WAPL: variants seen among roughly 807,000 people sequenced by gnomAD.
WAPL encodes the protein wings apart-like protein homolog.
A neutral mutation model predicts 121.0 loss-of-function variants in WAPL; 5 were observed. The observed-to-expected ratio is 0.04, with a 90% CI of 0.02 to 0.09. The LOEUF is 0.09. Ranked by LOEUF, WAPL falls within the 10% of genes least tolerant of loss-of-function variation. The pLI, the probability that WAPL is intolerant of heterozygous loss-of-function variation, is 1.00. For missense variants in WAPL, 999 were observed against 1,410.8 expected (o/e 0.71, Z 4.68); for synonymous variants, 480 against 481.5 (o/e 1.00, Z 0.04).
At chr10:86,481,845 C>T (rs2132203448) in intron 4 of WAPL, among the ~76,000 whole-genome samples, 1 of 149,962 alleles carries the variant, frequency 6.7e-6, no homozygotes, top group East Asian at 1.9e-4. Context: ...TAATGTTGTA[C>T]ACATTAAAAA....
intron 9 of WAPL, among the ~76,000 whole-genome samples, chr10:86,464,412 G>T (rs901561715): frequency 5.3e-5 from 8 of 152,054 alleles, no homozygotes; most frequent in African/African-American, 1.9e-4. Flanking sequence ...GAATCTAAAT[G>T]TTGAATATAG....
chr10:86,440,523 T>C (rs192630288), intron 17 of WAPL, among the ~76,000 whole-genome samples: 2,169 of 152,074 alleles, frequency 0.014, 29 homozygotes, highest in Non-Finnish European at 0.025. Context: ...ATGGTCTCGA[T>C]CTCCTGACCT....
Position 86,458,970 on chromosome 10 carries a change from T to C in WAPL, c.2657+19A>G, listed in dbSNP as rs1841210927. On this transcript the variant is annotated intron_variant, in intron 12 of 18. Coordinates refer to ENST00000298767, the MANE Select transcript of WAPL (RefSeq NM_015045.5). ...ATAAGTAACAATGTTAGTTGTTAAC[T>C]AATAAACAAAAAACTTACTTAGCTG... 6.3e-7 allele frequency: 1 copy of C among 1,580,026 alleles called. No individual in the cohort carries two copies. The highest frequency in any genetic ancestry group is 1.7e-5 in the Admixed American group (1 of 57,308).
intron 15 of WAPL, among the ~76,000 whole-genome samples, chr10:86,449,935 T>C (rs1202583048): frequency 6.6e-6 from 1 of 152,174 alleles, no homozygotes; most frequent in African/African-American, 2.4e-5. Flanking sequence ...GGTGAGTACA[T>C]GAATCTATAC....
intron 15 of WAPL, among the ~76,000 whole-genome samples, chr10:86,449,959 G>C (rs753648858): frequency 2.6e-5 from 4 of 152,086 alleles, no homozygotes; most frequent in Non-Finnish European, 5.9e-5. Context: ...TAATAAAACT[G>C]AACAGAGGTA....
Position 86,437,449 on chromosome 10 carries a change from T to C in WAPL, c.*94A>G. The C allele has an allele frequency of 7.7e-7, 1 of 1,300,502 alleles. No individual in the cohort carries two copies. The highest frequency in any genetic ancestry group is 1.4e-5 in the South Asian group (1 of 72,652). 80.6% of individuals were successfully genotyped at this position (1,300,502 alleles called of 1,614,324 possible). On this transcript the variant is annotated 3_prime_UTR_variant, in exon 19 of 19. Coordinates refer to ENST00000298767, the MANE Select transcript of WAPL (RefSeq NM_015045.5). ...CACGAATGATACTGATGAATGTTCT[T>C]GGTATATCTTCAAGGACTTCTTTCA...
At chr10:86,462,634 T>C (rs993016181) in intron 9 of WAPL, among the ~76,000 whole-genome samples, 3 of 150,322 alleles carry the variant, frequency 2.0e-5, no homozygotes, top group East Asian at 2.0e-4. Flanking sequence ...GCAGGAGGAA[T>C]TGCTTGAACC....
chr10:86,498,444 T>C (rs953072681), intron 3 of WAPL, among the ~76,000 whole-genome samples: 2 of 152,148 alleles, frequency 1.3e-5, no homozygotes, highest in African/African-American at 4.8e-5. Context: ...GGGGTACTCC[T>C]GTGTATGTCT....
chr10:86,447,594 TA>T (rs150927559), intron 15 of WAPL, among the ~76,000 whole-genome samples: 3,247 of 145,260 alleles, frequency 0.022, 106 homozygotes, highest in African/African-American at 0.067. Context: ...GGGACTCTTA[TA>T]AAAAAAAAAA....
intron 1 of WAPL, among the ~76,000 whole-genome samples, chr10:86,518,668 G>C (rs1310250789): frequency 6.6e-6 from 1 of 152,158 alleles, no homozygotes; most frequent in Non-Finnish European, 1.5e-5. Flanking sequence ...ATGATAACCT[G>C]TATAGGGTAA....
At chr10:86,494,391 A>C (rs1842110342) in intron 4 of WAPL, among the ~76,000 whole-genome samples, 1 of 152,172 alleles carries the variant, frequency 6.6e-6, no homozygotes, top group Admixed American at 6.5e-5. Context: ...TCGACAAACT[A>C]TGCTGATTCA....
intron 12 of WAPL, among the ~76,000 whole-genome samples, chr10:86,455,237 G>A (rs7070147): frequency 0.02 from 3,066 of 152,318 alleles, 96 homozygotes; most frequent in African/African-American, 0.065. Context: ...CAGTTTTGTC[G>A]AACAGAAAAG....
At chr10:86,470,125 C>T (rs977356736) in intron 8 of WAPL, among the ~76,000 whole-genome samples, 6 of 151,964 alleles carry the variant, frequency 3.9e-5, no homozygotes, top group African/African-American at 9.7e-5. Flanking sequence ...CTCCACCTCC[C>T]GGGTTCAAGC....
chr10:86,491,020 G>A (rs1842034774), intron 4 of WAPL, among the ~76,000 whole-genome samples: 11 of 151,274 alleles, frequency 7.3e-5, no homozygotes, highest in Admixed American at 7.2e-4. Context: ...CCGAGATCAT[G>A]CCACCGCACT....
intron 4 of WAPL, among the ~76,000 whole-genome samples, chr10:86,493,237 G>A (rs1241921087): frequency 6.6e-6 from 1 of 152,000 alleles, no homozygotes; most frequent in Non-Finnish European, 1.5e-5. Flanking sequence ...GAATTACTAG[G>A]AATTGACTTA....
chr10:86,437,810 TAAAAGA>T, intron 18 of WAPL, 104 bp downstream of exon 18: 1 of 1,010,942 alleles, frequency 9.9e-7, no homozygotes. Context: ...TTATTAAAAT[TAAAAGA>T]AAATCCCTTT....
intron 17 of WAPL, among the ~76,000 whole-genome samples, chr10:86,440,979 T>A (rs115294003): frequency 2.1e-3 from 319 of 152,016 alleles, no homozygotes; most frequent in African/African-American, 7.3e-3. Flanking sequence ...CAGCATGAGT[T>A]CCTGCTCAAA....
chr10:86,481,371 GA>G (rs913220798), intron 4 of WAPL, among the ~76,000 whole-genome samples: 12 of 151,100 alleles, frequency 7.9e-5, no homozygotes, highest in South Asian at 4.2e-4. Context: ...TTTTATGTAA[GA>G]AAAAAAAAAT....
intron 16 of WAPL, chr10:86,443,629 GA>G (rs1238404962): frequency 2.4e-6 from 1 of 418,344 alleles, no homozygotes; most frequent in East Asian, 3.9e-5. Flanking sequence ...TCCACAGAAT[GA>G]GAAAATATAT....
Sources: gnomAD v4.1 joint callset for allele counts (sites outside exome capture counted in the v4.1 genomes callset) on GRCh38, gnomAD v4.1.1 for gene constraint, MANE v1.5 for transcripts, NCBI Gene and HGNC (gene_info 2026-07-23, HGNC 2026-07-21) for gene names.